GPHN: variants seen among roughly 807,000 people sequenced by gnomAD.
The protein encoded by GPHN is gephyrin.
A neutral mutation model predicts 95.5 loss-of-function variants in GPHN; 17 were observed. That is an observed-to-expected ratio of 0.18 (90% CI 0.12 to 0.27). The LOEUF (loss-of-function observed/expected upper bound fraction) is 0.27. Ranked by LOEUF, GPHN falls within the 10% of genes least tolerant of loss-of-function variation. GPHN has a pLI of 1.00. For missense variants in GPHN, 660 were observed against 978.1 expected (o/e 0.67, Z 4.34); for synonymous variants, 320 against 322.5 (o/e 0.99, Z 0.08).
At chr14:67,167,775 T>C (rs2082367225) in intron 20 of GPHN, among the ~76,000 whole-genome samples, 1 of 152,230 alleles carries the variant, frequency 6.6e-6, no homozygotes. Flanking sequence ...TTGAGAATCA[T>C]GTAGTCCAAA....
the GPHN span, among the ~76,000 whole-genome samples, chr14:67,543,992 G>T: frequency 7.7e-4 from 117 of 152,290 alleles, no homozygotes; most frequent in East Asian, 0.021. Context: ...AAGGTTTGAA[G>T]TTAGAGTTTT....
the GPHN span, chr14:67,572,308 GA>G: frequency 1.3e-6 from 2 of 1,547,728 alleles, no homozygotes; most frequent in Admixed American, 3.8e-5. Context: ...GGGCAGGGTG[GA>G]AGCAGAATGC....
chr14:67,711,382 A>G, the GPHN span, among the ~76,000 whole-genome samples: 1 of 152,232 alleles, frequency 6.6e-6, no homozygotes, highest in Non-Finnish European at 1.5e-5. Context: ...GCAATTCTTA[A>G]GACATTTCTA....
chr14:66,631,038 TTTTTTGTTTTTG>T (rs899559338), intron 1 of GPHN, among the ~76,000 whole-genome samples: 2 of 151,976 alleles, frequency 1.3e-5, no homozygotes, highest in African/African-American at 2.4e-5. Context: ...GTCGTTCTTT[TTTTTTGTTTTTG>T]TTTTTGTTTG....
the GPHN span, among the ~76,000 whole-genome samples, chr14:67,260,557 G>A: frequency 9.9e-5 from 15 of 152,240 alleles, no homozygotes; most frequent in South Asian, 3.1e-3. Flanking sequence ...CTCTAGAAGG[G>A]TAGTTTGTAG....
chr14:67,322,338 ACT>A, the GPHN span, among the ~76,000 whole-genome samples: 1 of 152,044 alleles, frequency 6.6e-6, no homozygotes, highest in Non-Finnish European at 1.5e-5. Flanking sequence ...GCAGAGTGAG[ACT>A]CTGTCTGAAA....
intron 10 of GPHN, among the ~76,000 whole-genome samples, chr14:67,037,440 A>G (rs1436657922): frequency 1.3e-5 from 2 of 152,068 alleles, no homozygotes; most frequent in East Asian, 1.9e-4. Context: ...ATACAAATGT[A>G]GACAAATGAG....
the GPHN span, among the ~76,000 whole-genome samples, chr14:67,343,837 C>CA: frequency 6.6e-6 from 1 of 152,228 alleles, no homozygotes; most frequent in Non-Finnish European, 1.5e-5. Flanking sequence ...GCTTGGGTGA[C>CA]AGAGTAAGAC....
At chr14:67,229,046 C>T in the GPHN span, among the ~76,000 whole-genome samples, 1 of 152,318 alleles carries the variant, frequency 6.6e-6, no homozygotes, top group Middle Eastern at 3.4e-3. Flanking sequence ...CTCACTTAAT[C>T]TTCACAGTAA....
At chr14:67,690,208 C>T in the GPHN span, 1 of 1,612,222 alleles carries the variant, frequency 6.2e-7, no homozygotes, top group Non-Finnish European at 8.5e-7. Flanking sequence ...TCCTCTAGGC[C>T]CACCTTTTAG....
chr14:67,209,820 A>G, the GPHN span, among the ~76,000 whole-genome samples: 33 of 136,084 alleles, frequency 2.4e-4, no homozygotes, highest in Middle Eastern at 3.7e-3. Context: ...TCCATCTCGG[A>G]AAAAAAAAAA....
intron 8 of GPHN, among the ~76,000 whole-genome samples, chr14:66,943,286 T>G (rs2067533501): frequency 6.6e-6 from 1 of 152,230 alleles, no homozygotes; most frequent in Admixed American, 6.5e-5. Flanking sequence ...TAAATTTATT[T>G]CCAGTAGTTT....
At chr14:67,001,445 C>G (rs1347156101) in intron 9 of GPHN, among the ~76,000 whole-genome samples, 1 of 151,598 alleles carries the variant, frequency 6.6e-6, no homozygotes, top group Non-Finnish European at 1.5e-5. Flanking sequence ...GTTCCAGCTG[C>G]TGTTTGAATG....
chr14:66,843,305 A>C (rs1187529049), intron 4 of GPHN, among the ~76,000 whole-genome samples: 1 of 152,106 alleles, frequency 6.6e-6, no homozygotes, highest in Admixed American at 6.6e-5. Context: ...ATTCCCCTAT[A>C]CTATGGCCTA....
At chr14:67,719,877 A>G in the GPHN span, among the ~76,000 whole-genome samples, 1 of 152,092 alleles carries the variant, frequency 6.6e-6, no homozygotes, top group Non-Finnish European at 1.5e-5. Flanking sequence ...TGGCTTTACT[A>G]TTGATGGACA....
the GPHN span, among the ~76,000 whole-genome samples, chr14:67,454,897 G>A: frequency 6.6e-6 from 1 of 151,360 alleles, no homozygotes; most frequent in Non-Finnish European, 1.5e-5. Flanking sequence ...TTTTTGAGAC[G>A]GAGTCTCACT....
the GPHN span, chr14:67,302,379 A>C: frequency 7.5e-7 from 1 of 1,329,078 alleles, no homozygotes; most frequent in South Asian, 2.0e-5. Flanking sequence ...TATTATTTTT[A>C]TTTTTAAATT....
chr14:66,531,204 C>T (rs1005253296), intron 1 of GPHN, among the ~76,000 whole-genome samples: 1 of 152,110 alleles, frequency 6.6e-6, no homozygotes, highest in Admixed American at 6.5e-5. Flanking sequence ...CCTTAGCCCC[C>T]CAAAGTGCTG....
At chr14:67,066,757 G>A (rs1403722605) in intron 11 of GPHN, among the ~76,000 whole-genome samples, 7 of 151,978 alleles carry the variant, frequency 4.6e-5, no homozygotes, top group Non-Finnish European at 7.4e-5. Context: ...CGAAGTTCTC[G>A]TGCCTTGGTT....
Sources: gnomAD v4.1 joint callset for allele counts (sites outside exome capture counted in the v4.1 genomes callset) on GRCh38, gnomAD v4.1.1 for gene constraint, MANE v1.5 for transcripts, NCBI Gene and HGNC (gene_info 2026-07-23, HGNC 2026-07-21) for gene names.